The following SBF2 variants were observed in gnomAD, a reference collection of about 807,000 sequenced individuals.
SBF2 encodes SET binding factor 2.
A neutral mutation model predicts 225.2 loss-of-function variants in SBF2; 112 were observed. The observed-to-expected ratio is 0.50, with a 90% CI of 0.43 to 0.58. SBF2 has a LOEUF of 0.58. Ranked by LOEUF, SBF2 falls within the 20% of genes least tolerant of loss-of-function variation. The pLI, the probability that SBF2 is intolerant of heterozygous loss-of-function variation, is 0.00. For synonymous variants in SBF2, 763 were observed against 773.3 expected (o/e 0.99, Z 0.22); for missense variants, 1,996 against 2,206.2 (o/e 0.90, Z 1.91).
intron 1 of SBF2, among the ~76,000 whole-genome samples, chr11:10,275,128 G>T (rs1304803232): frequency 6.6e-6 from 1 of 151,980 alleles, no homozygotes. Context: ...TCCATAAGGA[G>T]GTAAAGTCAA....
Position 10,301,234 on chromosome 11 carries a change from A to T in SBF2, n.386+3258T>A, listed in dbSNP as rs1490074696. On this transcript the variant is annotated intron_variant and non_coding_transcript_variant, in intron 1 of 5. Coordinates refer to the SBF2 transcript ENST00000685217. ...TTTTTTATTCTGTGTCAGGGTTTTAAACTTGGTCAACCTCCCGGAACTGTA... is the reference window on the plus strand; with the variant it reads ...TTTTTTATTCTGTGTCAGGGTTTTATACTTGGTCAACCTCCCGGAACTGTA... Among the ~76,000 whole-genome samples, 4 of 152,328 alleles carry T rather than the reference A, an allele frequency of 2.6e-5. 1 individual carries two copies. The South Asian group carries it at 6.2e-4, about 24-fold the overall frequency.
At chr11:10,076,134 G>C (rs927811002) in intron 2 of SBF2, among the ~76,000 whole-genome samples, 1 of 152,198 alleles carries the variant, frequency 6.6e-6, no homozygotes, top group African/African-American at 2.4e-5. Flanking sequence ...AGTGTATGAC[G>C]GGGGAGAGAG....
chr11:10,068,959 G>T (rs1050237295), intron 2 of SBF2, among the ~76,000 whole-genome samples: 1 of 152,046 alleles, frequency 6.6e-6, no homozygotes, highest in African/African-American at 2.4e-5. Context: ...AAATGATGTG[G>T]GGCACTCTAC....
chr11:9,908,467 T>C (rs530105817), intron 16 of SBF2, among the ~76,000 whole-genome samples: 1 of 151,654 alleles, frequency 6.6e-6, no homozygotes, highest in African/African-American at 2.4e-5. Flanking sequence ...CTACTAAAAA[T>C]GCAAAAAAAA....
At chr11:9,988,631 A>G (rs112178106) in intron 13 of SBF2, among the ~76,000 whole-genome samples, 11,015 of 152,228 alleles carry the variant, frequency 0.072, 455 homozygotes, top group Middle Eastern at 0.18. Flanking sequence ...GTATACAAAT[A>G]GCCAATAAAC....
chr11:10,054,251 T>G (rs138336110), intron 2 of SBF2, among the ~76,000 whole-genome samples: 19 of 152,240 alleles, frequency 1.2e-4, no homozygotes, highest in African/African-American at 4.6e-4. Context: ...GATAATATGA[T>G]TGTCTGCCTA....
chr11:10,304,228 A>C (rs960325512), intron 1 of SBF2, among the ~76,000 whole-genome samples: 6 of 152,216 alleles, frequency 3.9e-5, no homozygotes, highest in Non-Finnish European at 7.3e-5. Context: ...AGCATACGTG[A>C]AGCGTTAGTG....
At chr11:10,125,921 C>T (rs1953731039) in intron 2 of SBF2, among the ~76,000 whole-genome samples, 1 of 152,128 alleles carries the variant, frequency 6.6e-6, no homozygotes, top group Admixed American at 6.5e-5. Flanking sequence ...GTTCTCATGC[C>T]TAGACTGTGT....
chr11:9,941,496 C>T (rs1865250321), intron 16 of SBF2, among the ~76,000 whole-genome samples: 1 of 152,140 alleles, frequency 6.6e-6, no homozygotes, highest in Non-Finnish European at 1.5e-5. Context: ...GTTAGTATAA[C>T]TTAGCTCCAA....
intron 2 of SBF2, among the ~76,000 whole-genome samples, chr11:10,189,417 G>C (rs916162749): frequency 6.6e-6 from 1 of 152,108 alleles, no homozygotes; most frequent in African/African-American, 2.4e-5. Flanking sequence ...CCCATTTATT[G>C]TATGTATTGC....
At chr11:9,858,523 A>G in intron 17 of SBF2, 127 bp from the exon 18 acceptor site, 1 of 978,782 alleles carries the variant, frequency 1.0e-6, no homozygotes, top group Non-Finnish European at 1.5e-6. Context: ...GTATGGTAGT[A>G]CAGGCTTAGC....
At chr11:10,063,726 T>C (rs909828753) in intron 2 of SBF2, among the ~76,000 whole-genome samples, 1 of 151,652 alleles carries the variant, frequency 6.6e-6, no homozygotes, top group East Asian at 1.9e-4. Context: ...AACCATAATG[T>C]CTGAGATAAA....
rs141992456 is a variant in SBF2, at chr11:9,807,135, T to C, written c.4443+865A>G. Among the ~76,000 whole-genome samples the C allele has an allele frequency of 7.8e-3, 1,192 of 152,292 alleles. 12 individuals carry two copies. Among genetic ancestry groups the C allele is most frequent in the African/African-American group, 0.026 (1,074 of 41,568 alleles). ...CAAATGTTTGACATGCCAGAACCCATTCATCCAACCCTGGGATTGTGGTCA... is the reference window on the plus strand; with the variant it reads ...CAAATGTTTGACATGCCAGAACCCACTCATCCAACCCTGGGATTGTGGTCA... On this transcript the variant is annotated intron_variant, in intron 32 of 39. Coordinates refer to ENST00000256190, the MANE Select transcript of SBF2 (RefSeq NM_030962.4).
chr11:10,258,020 T>C (rs996862321), intron 1 of SBF2, among the ~76,000 whole-genome samples: 18 of 151,548 alleles, frequency 1.2e-4, no homozygotes, highest in African/African-American at 4.4e-4. Flanking sequence ...GTAGGACATA[T>C]CAGAATTTTT....
At chr11:10,188,272 G>A (rs564615829) in intron 2 of SBF2, among the ~76,000 whole-genome samples, 2 of 152,158 alleles carry the variant, frequency 1.3e-5, no homozygotes, top group Non-Finnish European at 2.9e-5. Flanking sequence ...AAAGGAACTG[G>A]AACTTAAGAA....
Position 9,987,558 on chromosome 11 carries a change from G to C in SBF2, c.1395+1939C>G, listed in dbSNP as rs181623570. Among the ~76,000 whole-genome samples the C allele has an allele frequency of 8.5e-5, 13 of 152,180 alleles. 1 individual carries two copies. Among genetic ancestry groups the C allele is most frequent in the Admixed American group, 8.5e-4 (13 of 15,274 alleles). ...TAGAAAGCTCCTAGAACTGATAAAA[G>C]AATTCAGCAAAGTTTCCGGATCTGA... On this transcript the variant is annotated intron_variant, in intron 13 of 39. Transcript: ENST00000256190.
At chr11:9,848,723 C>T (rs1856722719) in intron 22 of SBF2, among the ~76,000 whole-genome samples, 1 of 152,208 alleles carries the variant, frequency 6.6e-6, no homozygotes, top group South Asian at 2.1e-4. Context: ...CTTTCAAATA[C>T]AATTTGTGTA....
At chr11:10,276,503 C>T (rs10840382) in intron 1 of SBF2, among the ~76,000 whole-genome samples, 74,673 of 151,964 alleles carry the variant, frequency 0.49, 18,705 homozygotes, top group Non-Finnish European at 0.54. Flanking sequence ...AATCTACTCA[C>T]TGTTTATCAA....
At chr11:10,177,800 T>A (rs1316618745) in intron 2 of SBF2, among the ~76,000 whole-genome samples, 1 of 149,820 alleles carries the variant, frequency 6.7e-6, no homozygotes, top group African/African-American at 2.5e-5. Flanking sequence ...GCCATCCCCA[T>A]CAAGCTACCA....
Sources: gnomAD v4.1 joint callset for allele counts (sites outside exome capture counted in the v4.1 genomes callset) on GRCh38, gnomAD v4.1.1 for gene constraint, MANE v1.5 for transcripts, NCBI Gene and HGNC (gene_info 2026-07-23, HGNC 2026-07-21) for gene names.